The following GATA2 variants were observed in gnomAD, a reference collection of about 807,000 sequenced individuals.
GATA2 encodes GATA binding protein 2.
A neutral mutation model predicts 35.7 loss-of-function variants in GATA2; 6 were observed. The ratio of observed to expected loss-of-function variants is 0.17; its 90% CI spans 0.09 to 0.33. The LOEUF (loss-of-function observed/expected upper bound fraction) is 0.33. Ranked by LOEUF, GATA2 falls within the 10% of genes least tolerant of loss-of-function variation. The probability of loss-of-function intolerance (pLI) is 1.00; values close to 1 mark genes in which losing one functional copy is unlikely to be tolerated. For missense variants in GATA2, 541 were observed against 656.6 expected, an observed-to-expected ratio of 0.82 and a Z score of 1.92; for synonymous variants, 313 against 274.9, an observed-to-expected ratio of 1.14 and a Z score of -1.37.
chr3:128,483,819 T>A (rs1559986021), intron 4 of GATA2, 41 bp downstream of exon 4: 2 of 1,613,930 alleles, frequency 1.2e-6, no homozygotes, highest in Non-Finnish European at 1.7e-6. Flanking sequence ...CGCCAGCTCC[T>A]GCCCAGCAGC....
chr3:128,486,432 GC>G, intron 2 of GATA2, 64 bp from the exon 3 acceptor site: 1 of 1,546,934 alleles, frequency 6.5e-7, no homozygotes, highest in Non-Finnish European at 8.7e-7. Context: ...AGCTAGGGAC[GC>G]CCCTGACAGA....
chr3:128,481,181 G>A lies in GATA2; in HGVS notation c.1281C>T (p.Pro427=). ...LSKCMQEKSS[P]FSAAALAGHM... ...GTCCAGCCAGGGCAGCTGCACTGAAGGGGGATGACTTCTCCTGCATGCACT... is the reference window on the plus strand; with the variant it reads ...GTCCAGCCAGGGCAGCTGCACTGAAAGGGGATGACTTCTCCTGCATGCACT... The change falls in exon 6 of 6, where the codon CCC becomes CCT. Residue 427 remains proline (P), a synonymous_variant. Coordinates refer to ENST00000341105, the MANE Select transcript of GATA2 (RefSeq NM_032638.5). 6.2e-7 allele frequency: 1 copy of A among 1,614,218 alleles called. No homozygotes were observed. The highest frequency in any genetic ancestry group is 1.1e-5 in the South Asian group (1 of 91,086).
At chr3:128,491,841 C>T (rs1003945795) in intron 1 of GATA2, among the ~76,000 whole-genome samples, 5 of 152,184 alleles carry the variant, frequency 3.3e-5, no homozygotes, top group Admixed American at 6.5e-5. Context: ...ACAATCGGGC[C>T]GTGCTTCTCC....
At chr3:128,491,305 C>T (rs1401323024) in intron 1 of GATA2, among the ~76,000 whole-genome samples, 1 of 150,010 alleles carries the variant, frequency 6.7e-6, no homozygotes, top group African/African-American at 2.5e-5. Flanking sequence ...CCTAATTCTT[C>T]TCGCCTTTTC....
chr3:128,483,955 G>A lies in GATA2; in HGVS notation c.922C>T (p.Arg308Trp). ...CGATATPLWR[R>W]DGTGHYLCNA... ...CACAGGTAGTGGCCGGTGCCGTCCC[G>A]CCGCCAGAGAGGGGTGGCTGTGGCC... is the stretch of plus-strand genomic sequence containing the variant. Residue 308 changes from arginine (R) to tryptophan (W), a missense_variant, in exon 4 of 6, where the codon CGG (arginine) becomes TGG (tryptophan). Transcript: ENST00000341105. The A allele has an allele frequency of 1.9e-6, 3 of 1,614,006 alleles. No individual in the cohort carries two copies. The highest frequency in any genetic ancestry group is 1.7e-6 in the Non-Finnish European group (2 of 1,180,028).
intron 3 of GATA2, among the ~76,000 whole-genome samples, chr3:128,485,149 G>T (rs1371400342): frequency 6.6e-6 from 1 of 152,194 alleles, no homozygotes; most frequent in South Asian, 2.1e-4. Context: ...GAAGGGCCTG[G>T]CGAGGGCAGG....
At chr3:128,484,269 G>GAGGGGCCC (rs2068667067) in intron 3 of GATA2, among the ~76,000 whole-genome samples, 1 of 152,212 alleles carries the variant, frequency 6.6e-6, no homozygotes, top group Admixed American at 6.5e-5. Context: ...AGGAGGGGAG[G>GAGGGGCCC]AGGGGCCCAG....
intron 4 of GATA2, among the ~76,000 whole-genome samples, chr3:128,483,648 C>G (rs1432905933): frequency 6.6e-6 from 1 of 152,120 alleles, no homozygotes. Flanking sequence ...CGCAAGGGTG[C>G]CCGGTGGGCT....
chr3:128,489,805 A>G (rs2068750909), intron 1 of GATA2: 1 of 152,226 alleles, frequency 6.6e-6, no homozygotes, highest in South Asian at 2.1e-4. Flanking sequence ...AACTCGTAAA[A>G]TGAGATCGCC....
In GATA2 at chr3:128,486,961, G is replaced by A. The variant is rs2068710194; in HGVS notation, c.71C>T (p.Ser24Leu). Residue 24 changes from serine (S) to leucine (L), a missense_variant, in exon 2 of 6, where the codon TCA (serine) becomes TTA (leucine). By Grantham distance (145) the Ser-to-Leu change is moderately radical. Coordinates refer to ENST00000341105, the MANE Select transcript of GATA2 (RefSeq NM_032638.5). ...PAVLNAQHPD[S>L]HHPGLAHNYM... is the part of the protein sequence containing the mutation. The stretch of plus-strand genomic sequence containing the variant: ...GTTGTGCGCCAGGCCCGGGTGGTGT[G>A]AGTCGGGGTGCTGCGCATTCAGCAC... The A allele has an allele frequency of 6.2e-7, 1 of 1,612,128 alleles. No individual in the cohort carries two copies. The highest frequency in any genetic ancestry group is 8.5e-7 in the Non-Finnish European group (1 of 1,179,246).
chr3:128,481,183 G>C lies in GATA2; in HGVS notation c.1279C>G (p.Pro427Ala), dbSNP rs2107667917. The stretch of plus-strand genomic sequence containing the variant: ...CCAGCCAGGGCAGCTGCACTGAAGG[G>C]GGATGACTTCTCCTGCATGCACTTT... ...LSKCMQEKSS[P>A]FSAAALAGHM... The change falls in exon 6 of 6, where the codon CCC (proline) becomes GCC (alanine). Residue 427 changes from proline to alanine, a missense_variant. By Grantham distance (27) the Pro-to-Ala change is conservative (BLOSUM62 -1). Around this residue, in one of 5 missense-constraint regions of GATA2, gnomAD observed 95 missense variants for 114.0 expected, o/e 0.83. Transcript: ENST00000341105. The C allele has an allele frequency of 2.5e-6, 4 of 1,614,210 alleles. No individual in the cohort carries two copies. The highest frequency in any genetic ancestry group is 3.4e-6 in the Non-Finnish European group (4 of 1,180,044).
At chr3:128,481,767 A>G (rs1034164499) in intron 5 of GATA2, 52 bp downstream of exon 5, 37 of 1,583,594 alleles carry the variant, frequency 2.3e-5, no homozygotes, top group Non-Finnish European at 3.1e-5. Flanking sequence ...GGCAGCACAA[A>G]GCGCAGAGGT....
intron 3 of GATA2, among the ~76,000 whole-genome samples, chr3:128,484,465 C>T (rs2068669742): frequency 6.6e-6 from 1 of 152,194 alleles, no homozygotes; most frequent in Non-Finnish European, 1.5e-5. Flanking sequence ...GTCTGCCCCA[C>T]CCCGTCTTTC....
intron 1 of GATA2, among the ~76,000 whole-genome samples, chr3:128,487,301 C>G (rs918219343): frequency 2.6e-5 from 4 of 152,210 alleles, no homozygotes; most frequent in African/African-American, 9.6e-5. Context: ...ATCACACACC[C>G]GTGCACATGG....
At chr3:128,481,675 G>C in intron 5 of GATA2, 144 bp downstream of exon 5, 1 of 988,228 alleles carries the variant, frequency 1.0e-6, no homozygotes, top group Non-Finnish European at 1.5e-6. Flanking sequence ...CCCCTCTTAC[G>C]GGAAGCCCTT....
Position 128,484,045 on chromosome 3 carries a change from C to T in GATA2, c.872-40G>A, listed in dbSNP as rs763063817. On this transcript the variant is annotated intron_variant, in intron 3 of 5. Transcript: ENST00000341105. ...GGAGAGACACGGGGGCCTGCTTAACCGGCAAGTTCTCGGGAGGGAGTCCAG... is the reference window on the plus strand; with the variant it reads ...GGAGAGACACGGGGGCCTGCTTAACTGGCAAGTTCTCGGGAGGGAGTCCAG... The T allele has an allele frequency of 6.9e-6, 11 of 1,604,008 alleles. 1 individual carries two copies. The highest frequency in any genetic ancestry group is 6.6e-5 in the South Asian group (6 of 90,852).
At position 128,480,287 on chromosome 3, in the gene GATA2, A is replaced by G. The variant is rs1305619512; in HGVS notation, c.*732T>C. ...TGGCTTGCGCTCAGTAAGGGGACAC[A>G]GTCACAGCAGCTTCGGCCTCAAAGC... On this transcript the variant is annotated 3_prime_UTR_variant, in exon 6 of 6. Transcript: ENST00000341105. The G allele has an allele frequency of 8.6e-6, 2 of 233,246 alleles. No individual in the cohort carries two copies. Among genetic ancestry groups the G allele is most frequent in the African/African-American group, 4.4e-5 (2 of 45,366 alleles). 14.4% of individuals were successfully genotyped at this position (233,246 alleles called of 1,614,324 possible).
At position 128,486,957 on chromosome 3, in the gene GATA2, G is replaced by C. The variant is rs1190021538; in HGVS notation, c.75C>G (p.His25Gln). ...TGTAGTTGTGCGCCAGGCCCGGGTG[G>C]TGTGAGTCGGGGTGCTGCGCATTCA... Reference protein sequence around the residue: ...AVLNAQHPDSHHPGLAHNYME... With the variant: ...AVLNAQHPDSQHPGLAHNYME... The change falls in exon 2 of 6, where the codon CAC becomes CAG. Residue 25 changes from histidine to glutamine, a missense_variant. By Grantham distance (24) the His-to-Gln change is conservative. Transcript: ENST00000341105. The C allele has an allele frequency of 6.2e-7, 1 of 1,612,454 alleles. No homozygotes were observed. Among genetic ancestry groups the C allele is most frequent in the Non-Finnish European group, 8.5e-7 (1 of 1,179,376 alleles).
rs1475853382 is a variant in GATA2 at position 128,486,298 on chromosome 3, C to T, written c.300G>A (p.Gly100=). The T allele has an allele frequency of 1.9e-6, 3 of 1,589,762 alleles. No individual in the cohort carries two copies. The highest frequency in any genetic ancestry group is 2.6e-6 in the Non-Finnish European group (3 of 1,170,680). Residue 100 remains glycine, a synonymous_variant, in exon 3 of 6, where the codon GGG becomes GGA. Transcript: ENST00000341105. The part of the protein sequence containing the change: ...LHSPGLPWLD[G]GKAALSAAAA... Reference sequence around the variant, plus strand: ...CAGCGGCAGAGAGGGCTGCTTTGCCCCCGTCCAGCCAGGGCAAACCCGGGC... The same window carrying T: ...CAGCGGCAGAGAGGGCTGCTTTGCCTCCGTCCAGCCAGGGCAAACCCGGGC...
Sources: gnomAD v4.1 joint callset for allele counts (sites outside exome capture counted in the v4.1 genomes callset) on GRCh38, gnomAD v4.1.1 for gene constraint, gnomAD v4.1.1 regional missense constraint, MANE v1.5 for transcripts, NCBI Gene and HGNC (gene_info 2026-07-23, HGNC 2026-07-21) for gene names.